Variants in LARS2 observed in about 807,000 individuals in gnomAD.
The protein encoded by LARS2 is leucyl-tRNA synthetase 2, mitochondrial.
Under a neutral mutation model 116.6 loss-of-function variants are expected in LARS2, and 81 were observed. The observed-to-expected ratio is 0.69, with a 90% CI of 0.58 to 0.84. The LOEUF is 0.84. Ranked by LOEUF, LARS2 falls within the 40% of genes least tolerant of loss-of-function variation. The pLI, the probability that LARS2 is intolerant of heterozygous loss-of-function variation, is 0.00. For synonymous variants in LARS2, 396 were observed against 407.2 expected (o/e 0.97, Z 0.33); for missense variants, 968 against 1,114.5 (o/e 0.87, Z 1.87).
At chr3:45,529,986 C>T (rs1700591087) in intron 20 of LARS2, among the ~76,000 whole-genome samples, 1 of 152,210 alleles carries the variant, frequency 6.6e-6, no homozygotes, top group African/African-American at 2.4e-5. Context: ...AGCCCTAGTG[C>T]ATCCTGTCTG....
At chr3:45,406,314 G>A (rs1432294920) in intron 4 of LARS2, among the ~76,000 whole-genome samples, 1 of 152,112 alleles carries the variant, frequency 6.6e-6, no homozygotes, top group African/African-American at 2.4e-5. Flanking sequence ...AAAAAGGCAG[G>A]TTGCGATATA....
rs775423833 is a variant in LARS2 at position 45,394,451 on chromosome 3, A to G, written c.-3A>G. 1 of 1,612,790 alleles carries G rather than the reference A, an allele frequency of 6.2e-7. No individual in the cohort carries two copies. Among genetic ancestry groups the G allele is most frequent in the Non-Finnish European group, 8.5e-7 (1 of 1,178,782 alleles). On this transcript the variant is annotated 5_prime_UTR_variant, in exon 3 of 22. Transcript: ENST00000645846. ...TTTTCAGGGCCTTCTCACCTTCTGA[A>G]GAATGGCTTCTGTTTGGCAGAGATT...
chr3:45,407,554 T>G (rs915762711), intron 4 of LARS2, among the ~76,000 whole-genome samples: 1 of 152,202 alleles, frequency 6.6e-6, no homozygotes, highest in Non-Finnish European at 1.5e-5. Context: ...TTGATTTTTA[T>G]CCCCAATCTG....
chr3:45,480,835 A>C (rs1179203909), intron 10 of LARS2, among the ~76,000 whole-genome samples: 1 of 152,370 alleles, frequency 6.6e-6, no homozygotes, highest in East Asian at 1.9e-4. Flanking sequence ...TGTAATAAGA[A>C]GCAGTTCAAC....
intron 4 of LARS2, among the ~76,000 whole-genome samples, chr3:45,407,412 A>G (rs911628555): frequency 6.6e-6 from 1 of 152,190 alleles, no homozygotes; most frequent in African/African-American, 2.4e-5. Context: ...GAGAGAACGA[A>G]CTGCTGGTCC....
chr3:45,421,948 C>G (rs1220881566), intron 6 of LARS2: 1 of 152,336 alleles, frequency 6.6e-6, no homozygotes, highest in African/African-American at 2.4e-5. Flanking sequence ...CCCAGCATCT[C>G]AAGAGTATCA....
intron 20 of LARS2, among the ~76,000 whole-genome samples, chr3:45,531,319 G>A (rs1700610941): frequency 1.3e-5 from 2 of 151,752 alleles, no homozygotes; most frequent in South Asian, 2.1e-4. Flanking sequence ...AATATATGAG[G>A]AAAATAACTC....
chr3:45,432,161 C>A (rs56946161), intron 6 of LARS2, among the ~76,000 whole-genome samples: 5,035 of 152,082 alleles, frequency 0.033, 265 homozygotes, highest in African/African-American at 0.11. Flanking sequence ...ATAACTGAAT[C>A]AAAAATGGAC....
rs1468882969 is a variant in LARS2 at position 45,501,541 on chromosome 3, G to A, written c.1760+962G>A. 3.3e-5 allele frequency among the ~76,000 whole-genome samples: 5 copies of A among 152,080 alleles called. No individual in the cohort carries two copies. The East Asian group carries it at 9.6e-4, about 29-fold the overall frequency. On this transcript the variant is annotated intron_variant, in intron 15 of 21. Coordinates refer to ENST00000645846, the MANE Select transcript of LARS2 (RefSeq NM_015340.4). ...CTGCTGCGTGATATTCCATTATATG[G>A]AATGAAACTTCCAAAATAGAACTCA...
At chr3:45,515,975 G>A (rs1412465812) in intron 16 of LARS2, 119 bp from the exon 17 acceptor site, 2 of 712,370 alleles carry the variant, frequency 2.8e-6, no homozygotes, top group Non-Finnish European at 4.7e-6. Context: ...AAGTGAATTA[G>A]TGTGATTCTT....
intron 4 of LARS2, among the ~76,000 whole-genome samples, chr3:45,408,730 T>C (rs1698276079): frequency 6.6e-6 from 1 of 152,252 alleles, no homozygotes; most frequent in African/African-American, 2.4e-5. Flanking sequence ...TTTCTCACTT[T>C]GTCTCTGCAG....
At chr3:45,432,913 G>A (rs1375416906) in intron 6 of LARS2, among the ~76,000 whole-genome samples, 1 of 151,988 alleles carries the variant, frequency 6.6e-6, no homozygotes, top group Non-Finnish European at 1.5e-5. Context: ...ATATAATTGT[G>A]TAATGTCTGT....
intron 10 of LARS2, among the ~76,000 whole-genome samples, chr3:45,484,624 A>T (rs1451702552): frequency 0.14 from 1,926 of 13,768 alleles, 113 homozygotes; most frequent in East Asian, 0.24. Context: ...AAAAAAAAAA[A>T]AAAAAAATAT....
intron 6 of LARS2, among the ~76,000 whole-genome samples, chr3:45,442,944 G>A (rs1698937772): frequency 6.6e-6 from 1 of 152,158 alleles, no homozygotes; most frequent in Non-Finnish European, 1.5e-5. Context: ...ATTTGGGACT[G>A]GGTGATTATT....
intron 6 of LARS2, among the ~76,000 whole-genome samples, chr3:45,425,932 T>TG (rs1172696710): frequency 6.7e-6 from 1 of 150,302 alleles, no homozygotes; most frequent in East Asian, 2.0e-4. Context: ...CTTTTTTTTT[T>TG]TAATATTGTG....
chr3:45,473,691 GTTT>G (rs763467707), intron 8 of LARS2, among the ~76,000 whole-genome samples: 1 of 127,306 alleles, frequency 7.9e-6, no homozygotes. Context: ...GCCTGTTGTT[GTTT>G]TTTTTTTTTT....
intron 6 of LARS2, among the ~76,000 whole-genome samples, chr3:45,427,816 C>T (rs927703014): frequency 3.2e-5 from 4 of 123,734 alleles, no homozygotes; most frequent in African/African-American, 6.0e-5. Context: ...CCTTGTTTTC[C>T]TTTTTTTTCT....
chr3:45,524,092 C>T lies in LARS2; in HGVS notation c.2388C>T (p.Thr796=). The change falls in exon 20 of 22, where the codon ACC becomes ACT. Residue 796 remains threonine (T), a synonymous_variant. Coordinates refer to ENST00000645846, the MANE Select transcript of LARS2 (RefSeq NM_015340.4). The part of the protein sequence containing the change: ...VMAAPLAPHV[T]SEIWAGLALV... The stretch of plus-strand genomic sequence containing the variant: ...CTGCTCCACTGGCCCCTCATGTAAC[C>T]TCAGAGATCTGGGCAGGTACGTGGC... 1 of 1,611,058 alleles carries T rather than the reference C, an allele frequency of 6.2e-7. No individual in the cohort carries two copies. Among genetic ancestry groups the T allele is most frequent in the Non-Finnish European group, 8.5e-7 (1 of 1,177,182 alleles).
intron 13 of LARS2, chr3:45,495,099 C>A (rs574228449): frequency 6.6e-6 from 1 of 152,008 alleles, no homozygotes; most frequent in African/African-American, 2.4e-5. Flanking sequence ...ACACTTGGGC[C>A]CTTGTGAGAC....
Sources: gnomAD v4.1 joint callset for allele counts (sites outside exome capture counted in the v4.1 genomes callset) on GRCh38, gnomAD v4.1.1 for gene constraint, MANE v1.5 for transcripts, NCBI Gene and HGNC (gene_info 2026-07-23, HGNC 2026-07-21) for gene names.